Variants in DOCK5 observed in about 807,000 individuals in gnomAD.
DOCK5 encodes dedicator of cytokinesis 5, also known as dedicator of cytokinesis protein 5.
Under a neutral mutation model 251.8 loss-of-function variants are expected in DOCK5, and 142 were observed. The ratio of observed to expected loss-of-function variants is 0.56; its 90% confidence interval spans 0.49 to 0.65. DOCK5 has a LOEUF of 0.65. DOCK5 is among the 30% of genes least tolerant of loss of function. The pLI is 0.00. For missense variants in DOCK5, 2,111 were observed against 2,312.3 expected (o/e 0.91, Z 1.79); for synonymous variants, 842 against 835.5 (o/e 1.01, Z -0.13).
intron 16 of DOCK5, 131 bp downstream of exon 16, chr8:25,321,183 T>G: frequency 1.3e-6 from 1 of 749,972 alleles, no homozygotes; most frequent in Non-Finnish European, 2.2e-6. Context: ...TGTAACTCAC[T>G]GGTGCTAAGG....
intron 1 of DOCK5, among the ~76,000 whole-genome samples, chr8:25,190,498 C>T (rs1293886360): frequency 6.6e-6 from 1 of 151,966 alleles, no homozygotes; most frequent in Non-Finnish European, 1.5e-5. Context: ...GTATCACAGG[C>T]GCTAGTAGTG....
intron 15 of DOCK5, among the ~76,000 whole-genome samples, chr8:25,320,266 C>A (rs1805385533): frequency 6.6e-6 from 1 of 152,156 alleles, no homozygotes; most frequent in South Asian, 2.1e-4. Flanking sequence ...GTCGAAGTCA[C>A]ACGAGTTCTT....
In DOCK5 at chr8:25,368,099, G is replaced by C. The variant is rs1029778627; in HGVS notation, c.3225-93G>C. The C allele has an allele frequency of 4.0e-6, 4 of 1,007,272 alleles. No homozygotes were observed. In the Admixed American group the frequency reaches 8.1e-5, roughly 20 times the overall value. 62.4% of individuals were successfully genotyped at this position (1,007,272 alleles called of 1,614,324 possible). On this transcript the variant is annotated intron_variant, in intron 31 of 51. Coordinates refer to ENST00000276440, the MANE Select transcript of DOCK5 (RefSeq NM_024940.8). The stretch of plus-strand genomic sequence containing the variant: ...GGTTGGGCCTTAAGAGTGACCAAGA[G>C]AGACACAGACTGTTTTTACTTTCCT...
At chr8:25,190,998 A>G (rs1011352623) in intron 1 of DOCK5, among the ~76,000 whole-genome samples, 2 of 151,752 alleles carry the variant, frequency 1.3e-5, no homozygotes, top group African/African-American at 2.4e-5. Context: ...GTTAGCCAGG[A>G]TGGTCTTGAT....
chr8:25,332,409 ATACCT>A, intron 19 of DOCK5, 61 bp downstream of exon 19: 1 of 1,355,810 alleles, frequency 7.4e-7, no homozygotes, highest in Non-Finnish European at 1.0e-6. Flanking sequence ...CTATCTAATT[ATACCT>A]AATTGGTTCA....
In DOCK5 at chr8:25,311,378, C is replaced by T. The variant is rs973263111; in HGVS notation, c.1318+846C>T. 2.0e-5 allele frequency among the ~76,000 whole-genome samples: 3 copies of T among 151,366 alleles called. No individual in the cohort carries two copies. In the East Asian group the frequency reaches 5.9e-4, roughly 30 times the overall value. On this transcript the variant is annotated intron_variant, in intron 13 of 51. Transcript: ENST00000276440. ...CAAAGATGGTGAAACCCCATCTCTA[C>T]TAAAAATACAAAAAATTAGCTGGGT...
At chr8:25,374,817 A>C (rs1184883815) in intron 37 of DOCK5, 163 bp downstream of exon 37, 3 of 1,506,264 alleles carry the variant, frequency 2.0e-6, no homozygotes, top group Non-Finnish European at 2.7e-6. Context: ...TAATTTGTAG[A>C]TCAAGTATGG....
intron 36 of DOCK5, 68 bp from the exon 37 acceptor site, chr8:25,374,496 C>G: frequency 2.1e-6 from 3 of 1,447,940 alleles, no homozygotes; most frequent in Non-Finnish European, 2.8e-6. Flanking sequence ...GACCCTGTCT[C>G]AAAACAGAAC....
Position 25,382,681 on chromosome 8 carries a change from G to T in DOCK5, c.4034G>T (p.Arg1345Met). The T allele has an allele frequency of 1.9e-6, 3 of 1,608,638 alleles. No individual in the cohort carries two copies. Among genetic ancestry groups the T allele is most frequent in the Non-Finnish European group, 2.5e-6 (3 of 1,177,522 alleles). ...YEGLGNLLKK[R>M]ASFYENIIKA... Reference sequence around the variant, plus strand: ...TCTTGTTTTGTTTTCCAGAAAAAAAGGGCCTCATTTTATGAGAACATCATT... The same window carrying T: ...TCTTGTTTTGTTTTCCAGAAAAAAATGGCCTCATTTTATGAGAACATCATT... The change falls in exon 40 of 52, where the codon AGG becomes ATG. Residue 1345 changes from arginine to methionine, a missense_variant. Transcript: ENST00000276440.
chr8:25,244,110 A>T (rs1277754934), intron 2 of DOCK5, among the ~76,000 whole-genome samples: 5 of 152,226 alleles, frequency 3.3e-5, no homozygotes, highest in Non-Finnish European at 7.3e-5. Context: ...CTGCTGATTA[A>T]GGGTCTCTTT....
chr8:25,294,829 G>A (rs886755982), intron 6 of DOCK5, among the ~76,000 whole-genome samples: 1 of 152,172 alleles, frequency 6.6e-6, no homozygotes, highest in Non-Finnish European at 1.5e-5. Context: ...GGGGAAGCAA[G>A]CACGTCTTAC....
At chr8:25,370,257 T>C (rs1001220860) in intron 34 of DOCK5, among the ~76,000 whole-genome samples, 1 of 152,240 alleles carries the variant, frequency 6.6e-6, no homozygotes, top group Non-Finnish European at 1.5e-5. Context: ...AACACATAGG[T>C]GTTGGCCTCA....
chr8:25,187,272 C>CATATATGTATATATGTATATACAT (rs1212804372), intron 1 of DOCK5, among the ~76,000 whole-genome samples: 7 of 145,134 alleles, frequency 4.8e-5, no homozygotes, highest in East Asian at 2.0e-4. Context: ...TATACACACA[C>CATATATGTATATATGTATATACAT]ATATATGTAT....
At chr8:25,224,283 T>C (rs1802466772) in intron 1 of DOCK5, among the ~76,000 whole-genome samples, 1 of 152,092 alleles carries the variant, frequency 6.6e-6, no homozygotes, top group Admixed American at 6.6e-5. Context: ...CACACTCAGC[T>C]AATTTATATA....
chr8:25,390,230 C>CA lies in DOCK5; in HGVS notation c.4299dup (p.Val1434SerfsTer11). 1 of 1,595,186 alleles carries CA rather than the reference C, an allele frequency of 6.3e-7. No homozygotes were observed. Among genetic ancestry groups the CA allele is most frequent in the Non-Finnish European group, 8.5e-7 (1 of 1,170,480 alleles). ...GACATGCAGTGCTTCACTGTAAAGC[C>CA]AGTGATGAGCTTGCCGCCCAGCTAC... On this transcript the variant is annotated frameshift_variant, in exon 42 of 52. Coordinates refer to ENST00000276440, the MANE Select transcript of DOCK5 (RefSeq NM_024940.8). LOFTEE classifies it high-confidence loss of function.
chr8:25,186,540 GA>G (rs1801436476), intron 1 of DOCK5, among the ~76,000 whole-genome samples: 1 of 151,906 alleles, frequency 6.6e-6, no homozygotes, highest in South Asian at 2.1e-4. Context: ...CACTACACCT[GA>G]CTAATTTTTG....
intron 12 of DOCK5, among the ~76,000 whole-genome samples, chr8:25,309,537 C>T (rs1037623341): frequency 1.3e-5 from 2 of 152,078 alleles, no homozygotes; most frequent in African/African-American, 4.8e-5. Flanking sequence ...AATAATTATG[C>T]TCTATTCTGA....
chr8:25,371,894 A>C (rs1269030193), intron 34 of DOCK5, among the ~76,000 whole-genome samples: 1 of 131,550 alleles, frequency 7.6e-6, no homozygotes, highest in Non-Finnish European at 1.7e-5. Flanking sequence ...CTCTTTTCCC[A>C]GGTTTTCTTT....
intron 26 of DOCK5, among the ~76,000 whole-genome samples, chr8:25,347,670 A>G (rs1451352897): frequency 6.6e-6 from 1 of 152,218 alleles, no homozygotes; most frequent in East Asian, 1.9e-4. Flanking sequence ...TCTAGAAATC[A>G]TATGTTTATG....
Sources: gnomAD v4.1 joint callset for allele counts (sites outside exome capture counted in the v4.1 genomes callset) on GRCh38, gnomAD v4.1.1 for gene constraint, MANE v1.5 for transcripts, NCBI Gene and HGNC (gene_info 2026-07-23, HGNC 2026-07-21) for gene names.